CNTN4: variants seen among roughly 807,000 people sequenced by gnomAD.
CNTN4 encodes the protein contactin-4.
Under a neutral mutation model 122.5 loss-of-function variants are expected in CNTN4, and 77 were observed. The observed-to-expected ratio is 0.63, with a 90% confidence interval of 0.52 to 0.76. CNTN4 has a LOEUF of 0.76. Ranked by LOEUF, CNTN4 falls within the 30% of genes least tolerant of loss-of-function variation. The pLI, the probability that CNTN4 is intolerant of heterozygous loss-of-function variation, is 0.00. For synonymous variants in CNTN4, 512 were observed against 447.0 expected (o/e 1.15, Z -1.83); for missense variants, 1,256 against 1,259.1 (o/e 1.00, Z 0.04).
intron 2 of CNTN4, among the ~76,000 whole-genome samples, chr3:2,229,963 T>C (rs763110244): frequency 1.3e-5 from 2 of 152,210 alleles, no homozygotes; most frequent in Non-Finnish European, 2.9e-5. Context: ...GAGGGAGTTA[T>C]CAGGAAACCA....
intron 1 of CNTN4, 29 bp from the exon 2 acceptor site, chr3:2,100,529 T>A (rs2031846990): frequency 6.6e-6 from 1 of 152,264 alleles, no homozygotes; most frequent in Admixed American, 6.5e-5. Context: ...ATAGCAAGTT[T>A]GTTCTCTCTT....
chr3:2,245,071 G>C (rs1018421929), intron 2 of CNTN4, among the ~76,000 whole-genome samples: 1 of 151,968 alleles, frequency 6.6e-6, no homozygotes, highest in East Asian at 1.9e-4. Context: ...ATGGTTTAAT[G>C]TTAAATACCC....
At chr3:2,338,940 A>G (rs2150350406) in intron 2 of CNTN4, among the ~76,000 whole-genome samples, 2 of 152,218 alleles carry the variant, frequency 1.3e-5, no homozygotes, top group Middle Eastern at 6.8e-3. Flanking sequence ...AGTGGTGATG[A>G]CCTTCTCAAA....
chr3:2,840,375 C>G (rs991153823), intron 7 of CNTN4, among the ~76,000 whole-genome samples: 3 of 152,086 alleles, frequency 2.0e-5, no homozygotes, highest in African/African-American at 7.2e-5. Context: ...TTCTCCTCCT[C>G]TTTCTCCTCC....
At chr3:2,763,802 T>A (rs976300846) in intron 6 of CNTN4, among the ~76,000 whole-genome samples, 3 of 152,076 alleles carry the variant, frequency 2.0e-5, no homozygotes, top group Non-Finnish European at 4.4e-5. Flanking sequence ...AGGTGTGCAG[T>A]CTTATTTCTG....
At chr3:2,973,521 C>T (rs1693130712) in intron 13 of CNTN4, among the ~76,000 whole-genome samples, 1 of 151,990 alleles carries the variant, frequency 6.6e-6, no homozygotes, top group South Asian at 2.1e-4. Flanking sequence ...TTATAATTTG[C>T]TTCTGAAAAC....
At chr3:2,559,686 A>C (rs34132077) in intron 3 of CNTN4, among the ~76,000 whole-genome samples, 11,546 of 152,248 alleles carry the variant, frequency 0.076, 566 homozygotes, top group Middle Eastern at 0.11. Context: ...AGTGTGGTTT[A>C]ATTTGCAGAA....
chr3:2,136,306 C>A (rs1354574735), intron 2 of CNTN4, among the ~76,000 whole-genome samples: 1 of 152,196 alleles, frequency 6.6e-6, no homozygotes, highest in Admixed American at 6.5e-5. Flanking sequence ...TCCCAGAATT[C>A]TGTTAGTAAA....
intron 2 of CNTN4, among the ~76,000 whole-genome samples, chr3:2,227,219 T>G (rs1415288005): frequency 6.6e-6 from 1 of 152,228 alleles, no homozygotes; most frequent in Non-Finnish European, 1.5e-5. Flanking sequence ...ATTATTTATC[T>G]TTACATTCCT....
At chr3:2,586,956 T>A (rs983156134) in intron 4 of CNTN4, among the ~76,000 whole-genome samples, 5 of 152,154 alleles carry the variant, frequency 3.3e-5, no homozygotes, top group Admixed American at 6.5e-5. Flanking sequence ...CTCCTTTGAT[T>A]TTTCAGTCTA....
chr3:2,887,367 G>GGTTTGCT, intron 10 of CNTN4, 143 bp downstream of exon 10: 1 of 789,676 alleles, frequency 1.3e-6, no homozygotes. Context: ...TCCATAATCA[G>GGTTTGCT]CCCTGGTTGA....
chr3:2,797,547 G>A (rs1010187758), intron 6 of CNTN4, among the ~76,000 whole-genome samples: 1 of 152,118 alleles, frequency 6.6e-6, no homozygotes, highest in African/African-American at 2.4e-5. Flanking sequence ...GCAGTGAGCC[G>A]AGATCGCGCC....
At chr3:2,244,151 A>C (rs773073190) in intron 2 of CNTN4, among the ~76,000 whole-genome samples, 11 of 152,094 alleles carry the variant, frequency 7.2e-5, no homozygotes, top group Non-Finnish European at 1.5e-4. Context: ...TTTATAAATT[A>C]GGCACAGTAA....
chr3:2,812,784 A>G (rs1452160596), intron 6 of CNTN4, among the ~76,000 whole-genome samples: 1 of 152,192 alleles, frequency 6.6e-6, no homozygotes, highest in Non-Finnish European at 1.5e-5. Flanking sequence ...AGAAAGTCCT[A>G]TGAGACAGGA....
intron 2 of CNTN4, among the ~76,000 whole-genome samples, chr3:2,282,502 C>G (rs892088381): frequency 3.3e-5 from 5 of 151,910 alleles, no homozygotes; most frequent in African/African-American, 1.2e-4. Context: ...CTCATTCTTC[C>G]ACTTTTTTTT....
chr3:2,798,345 T>C (rs2092256449), intron 6 of CNTN4, among the ~76,000 whole-genome samples: 1 of 21,136 alleles, frequency 4.7e-5, no homozygotes, highest in Admixed American at 5.4e-4. Context: ...TATATATACA[T>C]ACTATATCTA....
At chr3:2,943,831 C>T (rs896102628) in intron 13 of CNTN4, among the ~76,000 whole-genome samples, 1 of 151,214 alleles carries the variant, frequency 6.6e-6, no homozygotes, top group Non-Finnish European at 1.5e-5. Context: ...ATCATGTTGG[C>T]GAGGTTGGTC....
chr3:2,705,261 G>A (rs1008758099), intron 4 of CNTN4, among the ~76,000 whole-genome samples: 4 of 147,796 alleles, frequency 2.7e-5, no homozygotes, highest in African/African-American at 1.0e-4. Flanking sequence ...CCAGCTACTC[G>A]GGAAGCTGAG....
intron 4 of CNTN4, among the ~76,000 whole-genome samples, chr3:2,692,508 T>G (rs1424694373): frequency 6.6e-6 from 1 of 152,166 alleles, no homozygotes; most frequent in Non-Finnish European, 1.5e-5. Flanking sequence ...CTTTTGCATC[T>G]TTTTTAGTAT....
Sources: allele counts gnomAD v4.1 joint callset (sites outside exome capture counted in the v4.1 genomes callset), GRCh38; gene constraint gnomAD v4.1.1; transcripts MANE v1.5; gene names NCBI Gene and HGNC (gene_info 2026-07-23, HGNC 2026-07-21).